The following STXBP5L variants were observed in gnomAD, a reference collection of about 807,000 sequenced individuals.
The protein encoded by STXBP5L is syntaxin-binding protein 5-like.
A neutral mutation model predicts 144.5 loss-of-function variants in STXBP5L; 65 were observed. The observed-to-expected ratio is 0.45, with a 90% CI of 0.37 to 0.55. The LOEUF (loss-of-function observed/expected upper bound fraction) is 0.55. Among genes scored for constraint, STXBP5L ranks in the 20% least tolerant of loss-of-function variants. The pLI is 0.00. For missense variants in STXBP5L, 1,298 were observed against 1,405.5 expected, an observed-to-expected ratio of 0.92 and a Z score of 1.22; for synonymous variants, 505 against 469.6, an observed-to-expected ratio of 1.08 and a Z score of -0.97.
At chr3:120,966,988 C>T (rs1429342967) in intron 3 of STXBP5L, among the ~76,000 whole-genome samples, 1 of 152,124 alleles carries the variant, frequency 6.6e-6, no homozygotes, top group Non-Finnish European at 1.5e-5. Context: ...TGTTTACCTA[C>T]TCAAGCTTCA....
At chr3:120,992,031 G>GT (rs1247558751) in intron 3 of STXBP5L, among the ~76,000 whole-genome samples, 11 of 152,028 alleles carry the variant, frequency 7.2e-5, no homozygotes, top group African/African-American at 2.7e-4. Flanking sequence ...TTCTTTCCAT[G>GT]TTTTTGCTTT....
intron 7 of STXBP5L, among the ~76,000 whole-genome samples, chr3:121,138,173 T>C (rs1298563115): frequency 1.3e-5 from 2 of 151,902 alleles, no homozygotes; most frequent in Non-Finnish European, 2.9e-5. Context: ...ATTTACCATA[T>C]CCATTAAAAA....
intron 26 of STXBP5L, among the ~76,000 whole-genome samples, chr3:121,418,841 A>C (rs1560073774): frequency 6.6e-6 from 1 of 152,188 alleles, no homozygotes; most frequent in South Asian, 2.1e-4. Context: ...ATTTTGTCTC[A>C]GTCATGAAAA....
chr3:120,953,609 AT>A (rs920166350), intron 2 of STXBP5L, among the ~76,000 whole-genome samples: 4 of 150,916 alleles, frequency 2.7e-5, no homozygotes, highest in African/African-American at 9.8e-5. Context: ...AAGTGCTGAT[AT>A]TACAGACATG....
chr3:121,403,076 C>T (rs758356457), intron 22 of STXBP5L, among the ~76,000 whole-genome samples: 1 of 152,186 alleles, frequency 6.6e-6, no homozygotes, highest in African/African-American at 2.4e-5. Context: ...CATGTGTCCT[C>T]TTTTATTGAG....
intron 22 of STXBP5L, among the ~76,000 whole-genome samples, chr3:121,383,337 C>T (rs2046360498): frequency 6.6e-6 from 1 of 151,682 alleles, no homozygotes; most frequent in South Asian, 2.1e-4. Flanking sequence ...GATGAGCATG[C>T]AGTAAGCCAT....
chr3:121,411,006 C>T (rs2047103012), intron 23 of STXBP5L, among the ~76,000 whole-genome samples: 1 of 152,048 alleles, frequency 6.6e-6, no homozygotes, highest in Admixed American at 6.6e-5. Context: ...TTGACTGAAT[C>T]TGTCATGGAA....
At chr3:121,359,234 T>A (rs1473677497) in intron 20 of STXBP5L, among the ~76,000 whole-genome samples, 1 of 152,214 alleles carries the variant, frequency 6.6e-6, no homozygotes, top group Non-Finnish European at 1.5e-5. Flanking sequence ...CATAAGCCTG[T>A]TTTCCATTTG....
chr3:121,249,917 T>C (rs1035316781), intron 14 of STXBP5L, among the ~76,000 whole-genome samples: 7 of 152,240 alleles, frequency 4.6e-5, no homozygotes, highest in Middle Eastern at 3.4e-3. Flanking sequence ...ATAAATCATG[T>C]CAAATGCTTT....
intron 5 of STXBP5L, chr3:121,049,549 C>G (rs1374951837): frequency 6.5e-6 from 1 of 154,340 alleles, no homozygotes; most frequent in Non-Finnish European, 1.5e-5. Flanking sequence ...TGTGGTCTGC[C>G]TCTCCCTCTA....
At chr3:120,997,139 G>C (rs1184426523) in intron 3 of STXBP5L, among the ~76,000 whole-genome samples, 1 of 151,734 alleles carries the variant, frequency 6.6e-6, no homozygotes, top group Non-Finnish European at 1.5e-5. Flanking sequence ...TTTTATGGCT[G>C]CATAATTTTC....
intron 5 of STXBP5L, among the ~76,000 whole-genome samples, chr3:121,111,961 G>C (rs1224731768): frequency 6.6e-6 from 1 of 152,158 alleles, no homozygotes; most frequent in African/African-American, 2.4e-5. Flanking sequence ...CCCCCATCCA[G>C]TGAGGAGGAA....
chr3:121,156,310 T>G (rs1387116710), intron 8 of STXBP5L, among the ~76,000 whole-genome samples: 1 of 152,008 alleles, frequency 6.6e-6, no homozygotes, highest in Non-Finnish European at 1.5e-5. Context: ...TTTGGAAATT[T>G]TAGTTGTATG....
chr3:121,353,085 A>T (rs1189862106), intron 20 of STXBP5L, among the ~76,000 whole-genome samples: 1 of 152,158 alleles, frequency 6.6e-6, no homozygotes, highest in African/African-American at 2.4e-5. Context: ...TCGGTTTGCC[A>T]GTATTTTATT....
At chr3:121,190,274 G>C (rs2047589286) in intron 9 of STXBP5L, among the ~76,000 whole-genome samples, 1 of 152,124 alleles carries the variant, frequency 6.6e-6, no homozygotes, top group African/African-American at 2.4e-5. Flanking sequence ...CGAGCACGCT[G>C]CCTTCAAGCA....
Position 121,323,216 on chromosome 3 carries a change from G to T in STXBP5L, c.2176+4676G>T, listed in dbSNP as rs545248635. Among the ~76,000 whole-genome samples, 4 of 152,104 alleles carry T rather than the reference G, an allele frequency of 2.6e-5. No homozygotes were observed. In the South Asian group the frequency reaches 8.3e-4, roughly 32 times the overall value. ...AATTAGGTCCCACTCATCAATTTTT[G>T]TTTTTGTTGCAATTGTTTTTGAGGA... On this transcript the variant is annotated intron_variant, in intron 20 of 26. Coordinates refer to ENST00000471454, the MANE Select transcript of STXBP5L (RefSeq NM_001308330.2).
At chr3:120,967,473 C>G (rs968608768) in intron 3 of STXBP5L, among the ~76,000 whole-genome samples, 8 of 152,314 alleles carry the variant, frequency 5.3e-5, no homozygotes, top group East Asian at 1.9e-4. Context: ...CTTGGCCTAG[C>G]AAGCCTGGGC....
At chr3:121,236,642 A>G (rs758813308) in intron 12 of STXBP5L, among the ~76,000 whole-genome samples, 1 of 152,230 alleles carries the variant, frequency 6.6e-6, no homozygotes, top group Non-Finnish European at 1.5e-5. Context: ...TGAAGGGGAA[A>G]GACATCCCGA....
intron 2 of STXBP5L, among the ~76,000 whole-genome samples, chr3:120,942,033 C>CT (rs2107654974): frequency 6.6e-6 from 1 of 151,668 alleles, no homozygotes; most frequent in East Asian, 1.9e-4. Context: ...AGCAGTAAGG[C>CT]TTTGACTTGG....
Sources: gnomAD v4.1 joint callset for allele counts (sites outside exome capture counted in the v4.1 genomes callset) on GRCh38, gnomAD v4.1.1 for gene constraint, MANE v1.5 for transcripts, NCBI Gene and HGNC (gene_info 2026-07-23, HGNC 2026-07-21) for gene names.